The following ATXN1 variants were observed in gnomAD, a reference collection of about 807,000 sequenced individuals.
ATXN1 encodes ataxin-1.
Under a neutral mutation model 56.4 loss-of-function variants are expected in ATXN1, and 8 were observed. The ratio of observed to expected loss-of-function variants is 0.14; its 90% CI spans 0.08 to 0.26. The LOEUF (loss-of-function observed/expected upper bound fraction) is 0.26. Among genes scored for constraint, ATXN1 ranks in the 10% least tolerant of loss-of-function variants. The pLI, the probability that ATXN1 is intolerant of heterozygous loss-of-function variation, is 1.00. For missense variants in ATXN1, 987 were observed against 1,106.5 expected (o/e 0.89, Z 1.53); for synonymous variants, 514 against 494.6 (o/e 1.04, Z -0.52).
chr6:16,540,572 ATTGGAG>A (rs1435378539), intron 4 of ATXN1, among the ~76,000 whole-genome samples: 1 of 152,096 alleles, frequency 6.6e-6, no homozygotes, highest in Non-Finnish European at 1.5e-5. Context: ...CATTGTACAG[ATTGGAG>A]TACTGAGGCA....
At chr6:16,562,385 A>G (rs1184977953) in intron 4 of ATXN1, among the ~76,000 whole-genome samples, 3 of 150,340 alleles carry the variant, frequency 2.0e-5, no homozygotes, top group Non-Finnish European at 4.4e-5. Flanking sequence ...AAAAAAAAAA[A>G]AAGAAGAAGA....
chr6:16,761,065 T>C (rs1175007530), intron 1 of ATXN1: 9 of 323,996 alleles, frequency 2.8e-5, no homozygotes, highest in Admixed American at 8.2e-5. Context: ...TGTACACACA[T>C]ACACACACAC....
chr6:16,698,038 G>A (rs975294726), intron 2 of ATXN1, among the ~76,000 whole-genome samples: 2 of 152,156 alleles, frequency 1.3e-5, no homozygotes, highest in Admixed American at 6.5e-5. Flanking sequence ...CAGGAGCACC[G>A]GGAGGGAATA....
At chr6:16,347,764 T>A (rs1761450882) in intron 6 of ATXN1, among the ~76,000 whole-genome samples, 1 of 152,200 alleles carries the variant, frequency 6.6e-6, no homozygotes, top group East Asian at 1.9e-4. Context: ...GGGCTCTCTG[T>A]AAAATGGACC....
intron 4 of ATXN1, among the ~76,000 whole-genome samples, chr6:16,549,129 C>T (rs116054279): frequency 1.3e-3 from 203 of 152,108 alleles, no homozygotes; most frequent in African/African-American, 4.6e-3. Context: ...ATGGAAGGAC[C>T]TGCCTGAAGT....
chr6:16,425,185 A>G (rs1759124604), intron 6 of ATXN1, among the ~76,000 whole-genome samples: 1 of 152,234 alleles, frequency 6.6e-6, no homozygotes, highest in Non-Finnish European at 1.5e-5. Flanking sequence ...ACAAATTAAT[A>G]TTTACAAATG....
intron 4 of ATXN1, among the ~76,000 whole-genome samples, chr6:16,524,626 T>C (rs180800427): frequency 1.3e-5 from 2 of 152,336 alleles, no homozygotes; most frequent in East Asian, 3.9e-4. Flanking sequence ...GTTTCTAGTT[T>C]TTAGTGTGGC....
At chr6:16,588,421 A>G (rs1378070707) in intron 3 of ATXN1, among the ~76,000 whole-genome samples, 2 of 152,176 alleles carry the variant, frequency 1.3e-5, no homozygotes. Flanking sequence ...TTTGCACATG[A>G]CTTCCTCCTT....
intron 4 of ATXN1, among the ~76,000 whole-genome samples, chr6:16,542,071 A>G (rs1761725678): frequency 1.3e-5 from 2 of 152,248 alleles, no homozygotes; most frequent in African/African-American, 4.8e-5. Context: ...ACCAAGAATT[A>G]CTTGAAGGCT....
At chr6:16,340,225 G>A (rs1203566699) in intron 6 of ATXN1, among the ~76,000 whole-genome samples, 1 of 152,192 alleles carries the variant, frequency 6.6e-6, no homozygotes, top group Non-Finnish European at 1.5e-5. Flanking sequence ...TTATGATGGG[G>A]GCTTTGGGCC....
intron 6 of ATXN1, among the ~76,000 whole-genome samples, chr6:16,482,926 T>C (rs1485517356): frequency 3.3e-5 from 5 of 152,222 alleles, no homozygotes; most frequent in East Asian, 1.9e-4. Context: ...CTAAGGCTGA[T>C]ACTTTATGCA....
intron 3 of ATXN1, among the ~76,000 whole-genome samples, chr6:16,601,059 C>T (rs1762902607): frequency 6.6e-6 from 1 of 152,080 alleles, no homozygotes; most frequent in South Asian, 2.1e-4. Context: ...TGAAATTATA[C>T]GGGTAGTCAA....
intron 7 of ATXN1, among the ~76,000 whole-genome samples, chr6:16,316,581 C>T (rs532337059): frequency 3.5e-5 from 5 of 142,286 alleles, no homozygotes; most frequent in Admixed American, 3.4e-4. Flanking sequence ...CCTGTCTCTA[C>T]TAAAAATACA....
chr6:16,445,329 C>G (rs983779657), intron 6 of ATXN1, among the ~76,000 whole-genome samples: 1 of 151,980 alleles, frequency 6.6e-6, no homozygotes, highest in African/African-American at 2.4e-5. Flanking sequence ...TATTTTGAGT[C>G]AACAGCAATC....
Position 16,326,877 on chromosome 6 carries a change from C to A in ATXN1, c.1434G>T (p.Leu478=), listed in dbSNP as rs770494841. 6.2e-7 allele frequency: 1 copy of A among 1,610,730 alleles called. No homozygotes were observed. The highest frequency in any genetic ancestry group is 8.5e-7 in the Non-Finnish European group (1 of 1,177,572). The change falls in exon 7 of 8, where the codon CTG becomes CTT. Residue 478 remains leucine (L), a synonymous_variant. Transcript: ENST00000436367. This position sits in a 1 kb window ranked among gnomAD's most constrained non-coding sequence, Gnocchi z 6.6. ...TGCCGGGGATCACCAGGTGCTGGGG[C>A]AGGCTGCCGGCGTAGGTGATTGCTT... ...QQQAITYAGS[L]PQHLVIPGTQ...
At chr6:16,575,537 C>T (rs1762406130) in intron 4 of ATXN1, among the ~76,000 whole-genome samples, 1 of 152,176 alleles carries the variant, frequency 6.6e-6, no homozygotes, top group Non-Finnish European at 1.5e-5. Context: ...CAGACACAGC[C>T]ACATTGTGTC....
intron 6 of ATXN1, among the ~76,000 whole-genome samples, chr6:16,349,329 C>T (rs1761517907): frequency 6.6e-6 from 1 of 152,130 alleles, no homozygotes; most frequent in African/African-American, 2.4e-5. Flanking sequence ...ATGGTGACAT[C>T]TTGTTTCTAC....
intron 2 of ATXN1, among the ~76,000 whole-genome samples, chr6:16,723,523 T>C (rs772530039): frequency 2.0e-5 from 3 of 152,152 alleles, no homozygotes; most frequent in Non-Finnish European, 2.9e-5. Context: ...TATCACCCCT[T>C]TGGATAAACC....
At position 16,375,509 on chromosome 6, in the gene ATXN1, T is replaced by C. The variant is rs575792678; in HGVS notation, c.-160-47039A>G. ...ATTGGGGCATTACAAAAATTCATCA[T>C]TCCCCCTTCTCTCACCCTGATAATC... On this transcript the variant is annotated intron_variant, in intron 6 of 7. Transcript: ENST00000436367. Among the ~76,000 whole-genome samples the C allele has an allele frequency of 9.9e-4, 151 of 152,294 alleles. 2 individuals are homozygous for C. Among genetic ancestry groups the C allele is most frequent in the African/African-American group, 3.5e-3 (145 of 41,578 alleles).
Sources: gnomAD v4.1 joint callset for allele counts (sites outside exome capture counted in the v4.1 genomes callset) on GRCh38, gnomAD v4.1.1 for gene constraint, Gnocchi (gnomAD v3.1) non-coding constraint, MANE v1.5 for transcripts, NCBI Gene and HGNC (gene_info 2026-07-23, HGNC 2026-07-21) for gene names.